The following CLMN variants were observed in gnomAD, a reference collection of about 807,000 sequenced individuals.
CLMN encodes calmin, also known as calmin (calponin-like, transmembrane).
A neutral mutation model predicts 92.7 loss-of-function variants in CLMN; 57 were observed. The ratio of observed to expected loss-of-function variants is 0.61; its 90% CI spans 0.50 to 0.77. The LOEUF (loss-of-function observed/expected upper bound fraction) is 0.77, where lower values mean the gene tolerates loss of function less well. Among genes scored for constraint, CLMN ranks in the 30% least tolerant of loss-of-function variants. The pLI is 0.00. For synonymous variants in CLMN, 466 were observed against 470.6 expected, an observed-to-expected ratio of 0.99 and a Z score of 0.13; for missense variants, 1,158 against 1,237.5, an observed-to-expected ratio of 0.94 and a Z score of 0.96.
In CLMN at chr14:95,294,637, G is replaced by T. The variant is rs2140767231; in HGVS notation, c.82+25074C>A. Among the ~76,000 whole-genome samples, 1 of 152,254 alleles carries T rather than the reference G, an allele frequency of 6.6e-6. No homozygotes were observed. Among genetic ancestry groups the T allele is most frequent in the East Asian group, 1.9e-4 (1 of 5,166 alleles). ...TTTCAGGTGTGATGGTGAGGATTAG[G>T]ATAAATCCCTGTGCTAGTCTCCTTT... On this transcript the variant is annotated intron_variant, in intron 1 of 12. Coordinates refer to ENST00000298912, the MANE Select transcript of CLMN (RefSeq NM_024734.4). This position sits in a 1 kb window ranked among gnomAD's most constrained non-coding sequence, Gnocchi z 4.2.
At position 95,254,307 on chromosome 14, in the gene CLMN, C is replaced by T. The variant is rs186384787; in HGVS notation, c.83-24174G>A. 1.9e-3 allele frequency among the ~76,000 whole-genome samples: 284 copies of T among 152,264 alleles called. 3 individuals carry two copies. Among genetic ancestry groups the T allele is most frequent in the East Asian group, 9.7e-4 (5 of 5,180 alleles). On this transcript the variant is annotated intron_variant, in intron 1 of 12. Coordinates refer to ENST00000298912, the MANE Select transcript of CLMN (RefSeq NM_024734.4). ...GCGGGTGCAGCCAGTTCTGCTAGGA[C>T]GGCGGTTAGAAAATGCAAATTGGTT...
At chr14:95,271,355 G>A (rs1279086404) in intron 1 of CLMN, among the ~76,000 whole-genome samples, 3 of 152,136 alleles carry the variant, frequency 2.0e-5, no homozygotes, top group South Asian at 2.1e-4. Context: ...TATTCTGAAC[G>A]ATTCAGTCCC....
intron 1 of CLMN, among the ~76,000 whole-genome samples, chr14:95,272,264 G>A (rs1404062321): frequency 6.6e-6 from 1 of 152,202 alleles, no homozygotes; most frequent in Admixed American, 6.5e-5. Context: ...CCAGGAGGGT[G>A]TGGGCTGAGG....
chr14:95,258,124 A>G (rs201091664), intron 1 of CLMN, among the ~76,000 whole-genome samples: 6 of 151,022 alleles, frequency 4.0e-5, no homozygotes. Flanking sequence ...TGCAGTGTTT[A>G]TGTGTGTTTG....
chr14:95,276,508 G>C (rs1235382089), intron 1 of CLMN, among the ~76,000 whole-genome samples: 1 of 152,182 alleles, frequency 6.6e-6, no homozygotes. Context: ...AGGGACTGAC[G>C]AGTGGCTGGC....
At chr14:95,231,107 T>C (rs919830487) in intron 1 of CLMN, among the ~76,000 whole-genome samples, 1 of 151,886 alleles carries the variant, frequency 6.6e-6, no homozygotes, top group African/African-American at 2.4e-5. Context: ...TGTTAGGAAC[T>C]GGCCTGCACA....
At chr14:95,281,773 G>A (rs1189187002) in intron 1 of CLMN, among the ~76,000 whole-genome samples, 4 of 152,130 alleles carry the variant, frequency 2.6e-5, no homozygotes, top group African/African-American at 7.2e-5. Context: ...TGTACTCCTC[G>A]TGTAGAAATG....
rs1896451145 is a variant in CLMN at position 95,186,795 on chromosome 14, A to C, written c.*4769T>G. On this transcript the variant is annotated 3_prime_UTR_variant, in exon 13 of 13. Transcript: ENST00000298912. ...AGGCTGGTCTTGAATTCCTGGCCTC[A>C]AGCGATCCTCCTGCCTTGGCCTCCC... 4.6e-5 allele frequency: 7 copies of C among 152,346 alleles called. No individual in the cohort carries two copies. The highest frequency in any genetic ancestry group is 4.6e-4 in the Admixed American group (7 of 15,282). 9.4% of individuals were successfully genotyped at this position (152,346 alleles called of 1,614,324 possible).
At chr14:95,225,913 A>T (rs935670156) in intron 2 of CLMN, among the ~76,000 whole-genome samples, 1 of 152,194 alleles carries the variant, frequency 6.6e-6, no homozygotes, top group Non-Finnish European at 1.5e-5. Context: ...GCTTGGCTGG[A>T]CGTGGCCGGG....
intron 1 of CLMN, among the ~76,000 whole-genome samples, chr14:95,245,245 T>TATATATATAATATATATATATATATTA: frequency 3.0e-5 from 1 of 33,556 alleles, no homozygotes; most frequent in Middle Eastern, 0.011. Flanking sequence ...ATATTATATA[T>TATATATATAATATATATATATATATTA]ATATATATAA....
At chr14:95,225,468 C>T (rs186682519) in intron 2 of CLMN, among the ~76,000 whole-genome samples, 1 of 152,244 alleles carries the variant, frequency 6.6e-6, no homozygotes, top group Non-Finnish European at 1.5e-5. Flanking sequence ...CCTGGCACAG[C>T]CCCCACCTAC....
At chr14:95,278,774 G>A (rs1162745661) in intron 1 of CLMN, among the ~76,000 whole-genome samples, 1 of 152,166 alleles carries the variant, frequency 6.6e-6, no homozygotes, top group East Asian at 1.9e-4. Context: ...GTTCTTGGCT[G>A]CCTAGAAGTT....
chr14:95,317,464 C>A (rs561864136), intron 1 of CLMN, among the ~76,000 whole-genome samples: 1 of 152,158 alleles, frequency 6.6e-6, no homozygotes, highest in African/African-American at 2.4e-5. Flanking sequence ...CCAAACTGCA[C>A]ACAACCCAAA....
intron 1 of CLMN, among the ~76,000 whole-genome samples, chr14:95,230,352 G>A (rs1897845575): frequency 6.6e-6 from 1 of 152,194 alleles, no homozygotes; most frequent in African/African-American, 2.4e-5. Flanking sequence ...TAAACCCACA[G>A]ATTCAGACAC....
chr14:95,305,645 T>C (rs1237530756), intron 1 of CLMN, among the ~76,000 whole-genome samples: 1 of 152,204 alleles, frequency 6.6e-6, no homozygotes, highest in Non-Finnish European at 1.5e-5. Context: ...TAATGGATTG[T>C]CCTAGAAAAT....
At chr14:95,209,627 T>C in intron 7 of CLMN, 150 bp from the exon 8 acceptor site, 1 of 657,862 alleles carries the variant, frequency 1.5e-6, no homozygotes, top group East Asian at 2.8e-5. Context: ...TCAAAGGTGG[T>C]GAATCATTTA....
rs962838069 is a variant in CLMN at position 95,190,546 on chromosome 14, T to G, written c.*1018A>C. On this transcript the variant is annotated 3_prime_UTR_variant, in exon 13 of 13. Coordinates refer to ENST00000298912, the MANE Select transcript of CLMN (RefSeq NM_024734.4). ...GAGGGAGCCTGGGGCTGAGGAAGAC[T>G]GGGGGCAGGGGTGCTAGAGATGCCT... 1 of 152,564 alleles carries G rather than the reference T, an allele frequency of 6.6e-6. No individual in the cohort carries two copies. Among genetic ancestry groups the G allele is most frequent in the Admixed American group, 6.5e-5 (1 of 15,286 alleles). The allele number at this position is 152,564 out of a possible 1,614,324, so 9.5% of individuals were successfully genotyped here. A position where few individuals can be genotyped will look rare whatever the true frequency, so the allele number is the denominator to read the frequency against.
intron 1 of CLMN, among the ~76,000 whole-genome samples, chr14:95,234,863 G>A (rs908052296): frequency 5.3e-5 from 8 of 152,220 alleles, no homozygotes; most frequent in South Asian, 4.1e-4. Flanking sequence ...AGGGATGCAC[G>A]CATTAGGAGT....
chr14:95,209,482 C>A lies in CLMN; in HGVS notation c.803-5G>T. On this transcript the variant is annotated splice_region_variant and splice_polypyrimidine_tract_variant and intron_variant, in intron 7 of 12. Transcript: ENST00000298912. ...CTGGTGTGTCAACCATGATGTCTGT[C>A]GAGAGAGACACAGGAATTAGCAGGA... The A allele has an allele frequency of 6.2e-7, 1 of 1,611,984 alleles. No homozygotes were observed. Among genetic ancestry groups the A allele is most frequent in the South Asian group, 1.1e-5 (1 of 91,026 alleles).
Sources: allele counts gnomAD v4.1 joint callset (sites outside exome capture counted in the v4.1 genomes callset), GRCh38; gene constraint gnomAD v4.1.1; non-coding constraint Gnocchi (gnomAD v3.1); transcripts MANE v1.5; gene names NCBI Gene and HGNC (gene_info 2026-07-23, HGNC 2026-07-21).